Variants in MIIP observed in about 807,000 individuals in gnomAD.
MIIP encodes migration and invasion-inhibitory protein.
Under a neutral mutation model 44.8 loss-of-function variants are expected in MIIP, and 44 were observed. The ratio of observed to expected loss-of-function variants is 0.98; its 90% CI spans 0.77 to 1.26. The LOEUF (loss-of-function observed/expected upper bound fraction) is 1.26, where lower values mean the gene tolerates loss of function less well. Ranked by LOEUF, MIIP falls within the 50% of genes most tolerant of loss-of-function variation. The pLI is 0.00. For synonymous variants in MIIP, 225 were observed against 218.3 expected (o/e 1.03, Z -0.27); for missense variants, 496 against 511.7 (o/e 0.97, Z 0.30).
In MIIP at chr1:12,029,919, C is replaced by T. The variant is rs1283242914; in HGVS notation, c.845+25C>T. The T allele has an allele frequency of 3.1e-6, 5 of 1,611,310 alleles. No individual in the cohort carries two copies. In the East Asian group the frequency reaches 6.7e-5, roughly 22 times the overall value. On this transcript the variant is annotated intron_variant, in intron 7 of 9. Transcript: ENST00000235332. The stretch of plus-strand genomic sequence containing the variant: ...GGTGAGTGACCAGAGTATTGGGACA[C>T]CTTGGGGGACAGAGCCTGAACCACT...
chr1:12,024,024 G>A (rs1276003670), intron 4 of MIIP: 3 of 152,168 alleles, frequency 2.0e-5, no homozygotes, highest in Non-Finnish European at 4.4e-5. Flanking sequence ...AAAACCAGAT[G>A]AGCAGCAGTG....
rs151035331 is a variant in MIIP at position 12,030,040 on chromosome 1, G to A, written c.858G>A (p.Pro286=). 105 of 1,613,476 alleles carry A rather than the reference G, an allele frequency of 6.5e-5. 1 individual carries two copies. The African/African-American group carries it at 1.3e-3, about 19-fold the overall frequency. The change falls in exon 8 of 10, where the codon CCG becomes CCA. Residue 286 remains proline (P), a synonymous_variant. Coordinates refer to ENST00000235332, the MANE Select transcript of MIIP (RefSeq NM_021933.4). ...AQPAHVRVSI[P]LSILEPPHRY... is the part of the protein sequence containing the mutation. Reference sequence around the variant, plus strand: ...CCCCCCTGCGCAGGGTGAGCATCCCGCTGTCGATCCTGGAGCCCCCGCACC... The same window carrying A: ...CCCCCCTGCGCAGGGTGAGCATCCCACTGTCGATCCTGGAGCCCCCGCACC...
Position 12,021,801 on chromosome 1 carries a change from G to A in MIIP, c.75G>A (p.Gln25=). ...LELLRQLWVG[Q]DAVRRSVARA... ...TCCTGAGGCAGCTGTGGGTGGGGCA[G>A]GATGCTGTGCGGCGGTCAGTGGCCA... is the stretch of plus-strand genomic sequence containing the variant. The change falls in exon 2 of 10, where the codon CAG becomes CAA. Residue 25 remains glutamine, a synonymous_variant. Transcript: ENST00000235332. 6.2e-7 allele frequency: 1 copy of A among 1,612,492 alleles called. No homozygotes were observed. The highest frequency in any genetic ancestry group is 8.5e-7 in the Non-Finnish European group (1 of 1,179,944).
At chr1:12,019,729 G>C (rs1639929478) in intron 1 of MIIP, among the ~76,000 whole-genome samples, 177 bp downstream of exon 1, 1 of 152,282 alleles carries the variant, frequency 6.6e-6, no homozygotes, top group African/African-American at 2.4e-5. Flanking sequence ...TGCGGCCCCG[G>C]TGTTTCTGGA....
Position 12,029,430 on chromosome 1 carries a change from C to T in MIIP, c.715+149C>T, listed in dbSNP as rs537905620. The T allele has an allele frequency of 4.3e-6, 4 of 929,822 alleles. No individual in the cohort carries two copies. In the South Asian group the frequency reaches 5.1e-5, roughly 12 times the overall value. The allele number at this position is 929,822 out of a possible 1,614,324, so 57.6% of individuals were successfully genotyped here. ...CATGGAGGGAGGCCTGCAGTCTGGACAGGGTGGCCAAGCCCTGGTAGGGGT... is the reference window on the plus strand; with the variant it reads ...CATGGAGGGAGGCCTGCAGTCTGGATAGGGTGGCCAAGCCCTGGTAGGGGT... On this transcript the variant is annotated intron_variant, in intron 6 of 9. Coordinates refer to ENST00000235332, the MANE Select transcript of MIIP (RefSeq NM_021933.4).
intron 8 of MIIP, 94 bp downstream of exon 8, chr1:12,030,218 C>T (rs777370588): frequency 1.1e-5 from 14 of 1,221,358 alleles, no homozygotes; most frequent in South Asian, 2.5e-5. Flanking sequence ...AGACTGGGCT[C>T]GACAAGGGTG....
intron 4 of MIIP, among the ~76,000 whole-genome samples, chr1:12,026,132 C>CT (rs1468478202): frequency 1.3e-5 from 2 of 151,938 alleles, no homozygotes; most frequent in Non-Finnish European, 2.9e-5. Context: ...TGGTGAAACT[C>CT]TGTCTCTACT....
At position 12,029,105 on chromosome 1, in the gene MIIP, A is replaced by G. The variant is rs963246543; in HGVS notation, c.620A>G (p.Glu207Gly). Residue 207 changes from glutamate (E) to glycine (G), a missense_variant, in exon 5 of 10, where the codon GAA (glutamate) becomes GGA (glycine). By Grantham distance (98) the Glu-to-Gly change is moderately conservative. Transcript: ENST00000235332. The stretch of plus-strand genomic sequence containing the variant: ...TTCTCCAAGCTGCAGGAGTTTCGGG[A>G]AACCAACAAGGAGGAGTGTATCTGC... ...AFFSKLQEFR[E>G]TNKEECICSH... is the part of the protein sequence containing the mutation. 1 of 1,614,146 alleles carries G rather than the reference A, an allele frequency of 6.2e-7. No homozygotes were observed. Among genetic ancestry groups the G allele is most frequent in the East Asian group, 2.2e-5 (1 of 44,878 alleles).
rs1471837027 is a variant in MIIP at position 12,031,134 on chromosome 1, G to A, written c.943-132G>A. 7 of 1,124,866 alleles carry A rather than the reference G, an allele frequency of 6.2e-6. No individual in the cohort carries two copies. The African/African-American group carries it at 1.1e-4, about 18-fold the overall frequency. The allele number at this position is 1,124,866 out of a possible 1,614,324, so 69.7% of individuals were successfully genotyped here. On this transcript the variant is annotated intron_variant, in intron 8 of 9. Coordinates refer to ENST00000235332, the MANE Select transcript of MIIP (RefSeq NM_021933.4). ...AGGGGAGAGCTGGGGTAGTCTTGTGGGTAGACACAGGCCCTGCCTTGGTGG... is the reference window on the plus strand; with the variant it reads ...AGGGGAGAGCTGGGGTAGTCTTGTGAGTAGACACAGGCCCTGCCTTGGTGG...
At position 12,021,255 on chromosome 1, in the gene MIIP, G is replaced by C. The variant is rs377041651; in HGVS notation, c.-82-390G>C. Among the ~76,000 whole-genome samples, 35 of 152,026 alleles carry C rather than the reference G, an allele frequency of 2.3e-4. No homozygotes were observed. The East Asian group carries it at 5.7e-3, about 25-fold the overall frequency. On this transcript the variant is annotated intron_variant, in intron 1 of 9. Transcript: ENST00000235332. ...TAAAAATACAAAAAATTAGCTGGGCGTGGTGGCAGGCGCCTGTAGTCCCAG... is the reference window on the plus strand; with the variant it reads ...TAAAAATACAAAAAATTAGCTGGGCCTGGTGGCAGGCGCCTGTAGTCCCAG...
At chr1:12,024,908 C>T (rs1008956274) in intron 4 of MIIP, among the ~76,000 whole-genome samples, 3 of 152,140 alleles carry the variant, frequency 2.0e-5, no homozygotes, top group African/African-American at 4.8e-5. Context: ...GAATTTGACT[C>T]CTCTAGGGAC....
rs766538276 is a variant in MIIP at position 12,022,221 on chromosome 1, C to T, written c.241C>T (p.Arg81Ter). ...SSVWGPPDAC[R>*]GDLRDVARSG... ...CGTGTGGGGCCCACCAGATGCCTGTCGAGGGGACCTCCGTGATGTGGCCAG... is the reference window on the plus strand; with the variant it reads ...CGTGTGGGGCCCACCAGATGCCTGTTGAGGGGACCTCCGTGATGTGGCCAG... Residue 81 changes from arginine to a stop codon, truncating the protein, a stop_gained, in exon 3 of 10, where the codon CGA becomes TGA. Transcript: ENST00000235332. LOFTEE classifies it high-confidence loss of function. 9.9e-6 allele frequency: 16 copies of T among 1,612,748 alleles called. No individual in the cohort carries two copies. Among genetic ancestry groups the T allele is most frequent in the South Asian group, 7.7e-5 (7 of 90,914 alleles).
Position 12,031,882 on chromosome 1 carries a change from T to C in MIIP, c.*74T>C. ...CCCTCTGGCAGGCGCACCCAGGAGA[T>C]GGAATCCCCTGCCCGCCCAGCTCAG... On this transcript the variant is annotated 3_prime_UTR_variant, in exon 10 of 10. Transcript: ENST00000235332. 6 of 1,439,770 alleles carry C rather than the reference T, an allele frequency of 4.2e-6. No individual in the cohort carries two copies. In the South Asian group the frequency reaches 7.3e-5, roughly 18 times the overall value. The allele number at this position is 1,439,770 out of a possible 1,614,324, so 89.2% of individuals were successfully genotyped here.
chr1:12,023,059 CTTTTTTTTTTT>C, intron 4 of MIIP, 142 bp downstream of exon 4: 23 of 352,962 alleles, frequency 6.5e-5, no homozygotes, highest in Non-Finnish European at 8.1e-5. Flanking sequence ...GGAGCACCCT[CTTTTTTTTTTT>C]TTTTTTTTTT....
chr1:12,026,279 C>G (rs990361919), intron 4 of MIIP, among the ~76,000 whole-genome samples: 4 of 152,056 alleles, frequency 2.6e-5, no homozygotes, highest in Non-Finnish European at 5.9e-5. Flanking sequence ...CACTCTAACC[C>G]GGGCGACAAA....
chr1:12,029,815 C>T lies in MIIP; in HGVS notation c.766C>T (p.Pro256Ser), dbSNP rs755333128. Reference sequence around the variant, plus strand: ...GCGCCTGTTCCCGGTGCCTGTGGATCCCGGTACCCCCTGCCGCCTGTGCAG... The same window carrying T: ...GCGCCTGTTCCCGGTGCCTGTGGATTCCGGTACCCCCTGCCGCCTGTGCAG... ...NRRLFPVPVDPGTPCRLCRTP... is the reference protein window; with the variant it reads ...NRRLFPVPVDSGTPCRLCRTP... Residue 256 changes from proline to serine, a missense_variant, in exon 7 of 10, where the codon CCC (proline) becomes TCC (serine). Transcript: ENST00000235332. 6.2e-7 allele frequency: 1 copy of T among 1,613,280 alleles called. No homozygotes were observed. Among genetic ancestry groups the T allele is most frequent in the Non-Finnish European group, 8.5e-7 (1 of 1,179,630 alleles).
chr1:12,031,896 C>A lies in MIIP; in HGVS notation c.*88C>A. On this transcript the variant is annotated 3_prime_UTR_variant, in exon 10 of 10. Coordinates refer to ENST00000235332, the MANE Select transcript of MIIP (RefSeq NM_021933.4). The stretch of plus-strand genomic sequence containing the variant: ...CACCCAGGAGATGGAATCCCCTGCC[C>A]GCCCAGCTCAGGCCCAGCTGTCCTA... 7.5e-7 allele frequency: 1 copy of A among 1,341,148 alleles called. No individual in the cohort carries two copies. Among genetic ancestry groups the A allele is most frequent in the Non-Finnish European group, 1.0e-6 (1 of 955,986 alleles). 83.1% of individuals were successfully genotyped at this position (1,341,148 alleles called of 1,614,324 possible).
At chr1:12,020,156 TG>T (rs1247581241) in intron 1 of MIIP, among the ~76,000 whole-genome samples, 1 of 152,226 alleles carries the variant, frequency 6.6e-6, no homozygotes, top group Non-Finnish European at 1.5e-5. Context: ...TCATGGACCC[TG>T]GAGTCAAATT....
At chr1:12,021,897 A>G in intron 2 of MIIP, 57 bp downstream of exon 2, 1 of 1,437,620 alleles carries the variant, frequency 7.0e-7, no homozygotes. Context: ...TCAGGCCAGC[A>G]TCCAGGCTTC....
Sources: allele counts gnomAD v4.1 joint callset (sites outside exome capture counted in the v4.1 genomes callset), GRCh38; gene constraint gnomAD v4.1.1; transcripts MANE v1.5; gene names NCBI Gene and HGNC (gene_info 2026-07-23, HGNC 2026-07-21).